Variants in SPATC1 observed in about 807,000 individuals in gnomAD.
SPATC1 encodes spermatogenesis and centriole associated 1, also known as speriolin.
Under a neutral mutation model 36.5 loss-of-function variants are expected in SPATC1, and 35 were observed. The ratio of observed to expected loss-of-function variants is 0.96; its 90% CI spans 0.73 to 1.27. The LOEUF (loss-of-function observed/expected upper bound fraction) is 1.27. Ranked by LOEUF, SPATC1 falls within the 50% of genes most tolerant of loss-of-function variation. The pLI is 0.00. For missense variants in SPATC1, 779 were observed against 796.0 expected, an observed-to-expected ratio of 0.98 and a Z score of 0.26; for synonymous variants, 361 against 353.6, an observed-to-expected ratio of 1.02 and a Z score of -0.24.
chr8:144,032,404 A>C (rs1038460029), intron 1 of SPATC1, among the ~76,000 whole-genome samples: 1 of 151,954 alleles, frequency 6.6e-6, no homozygotes, highest in Non-Finnish European at 1.5e-5. Flanking sequence ...CAGCCTCCCG[A>C]GTTGCTGGGA....
chr8:144,043,846 G>A (rs577824139), intron 4 of SPATC1, among the ~76,000 whole-genome samples: 10 of 152,150 alleles, frequency 6.6e-5, no homozygotes, highest in Admixed American at 1.3e-4. Flanking sequence ...GAGCCCGTCC[G>A]TGGCAGTGTC....
chr8:144,038,755 T>C (rs1159964560), intron 1 of SPATC1, among the ~76,000 whole-genome samples: 1 of 152,148 alleles, frequency 6.6e-6, no homozygotes, highest in Non-Finnish European at 1.5e-5. Flanking sequence ...AAGACTACTA[T>C]TACATGACCC....
rs1240063054 is a variant in SPATC1, at chr8:144,032,497, C to T, written c.212-7412C>T. On this transcript the variant is annotated intron_variant, in intron 1 of 4. Coordinates refer to ENST00000377470, the MANE Select transcript of SPATC1 (RefSeq NM_198572.3). Reference sequence around the variant, plus strand: ...TTCACCATGTTAGCCAGGATGGTCTCGATCTCTTGACCTCATGATCTGCCC... The same window carrying T: ...TTCACCATGTTAGCCAGGATGGTCTTGATCTCTTGACCTCATGATCTGCCC... 3.9e-5 allele frequency among the ~76,000 whole-genome samples: 6 copies of T among 152,004 alleles called. No homozygotes were observed. The South Asian group carries it at 8.3e-4, about 21-fold the overall frequency.
At chr8:144,036,886 C>T (rs1025026780) in intron 1 of SPATC1, among the ~76,000 whole-genome samples, 8 of 151,858 alleles carry the variant, frequency 5.3e-5, no homozygotes, top group African/African-American at 7.3e-5. Flanking sequence ...AAAAATAGCA[C>T]GTCCGTAAGA....
chr8:144,018,966 C>T (rs1425011148), intron 1 of SPATC1, among the ~76,000 whole-genome samples: 3 of 142,628 alleles, frequency 2.1e-5, no homozygotes, highest in Admixed American at 7.4e-5. Flanking sequence ...GGCATGAACC[C>T]GGGAGGCAGA....
At position 144,046,670 on chromosome 8, in the gene SPATC1, G is replaced by A. The variant is rs934845715; in HGVS notation, c.1490G>A (p.Cys497Tyr). The change falls in exon 5 of 5, where the codon TGC (cysteine) becomes TAC (tyrosine). Residue 497 changes from cysteine (C) to tyrosine (Y), a missense_variant. Physicochemically the swap from Cys to Tyr is radical, Grantham distance 194. Coordinates refer to ENST00000377470, the MANE Select transcript of SPATC1 (RefSeq NM_198572.3). The surrounding 1 kb of genome is among the most constrained non-coding windows in gnomAD (Gnocchi z 6.6). Reference protein sequence around the residue: ...PSDHKLDEKLCQRLTQRYVSV... With the variant: ...PSDHKLDEKLYQRLTQRYVSV... ...GACCACAAGCTGGATGAGAAGCTGT[G>A]CCAGAGGCTCACACAGCGCTATGTG... The A allele has an allele frequency of 3.1e-6, 5 of 1,611,816 alleles. No homozygotes were observed. The Admixed American group carries it at 8.3e-5, about 27-fold the overall frequency.
intron 1 of SPATC1, among the ~76,000 whole-genome samples, chr8:144,020,399 ACCCTCTCCCCTCAGTG>A (rs1432706273): frequency 4.1e-5 from 6 of 146,974 alleles, no homozygotes; most frequent in Non-Finnish European, 9.0e-5. Context: ...TTCCCTGATA[ACCCTCTCCCCTCAGTG>A]CCCTCTCCCC....
Position 144,040,590 on chromosome 8 carries a change from C to A in SPATC1, c.789C>A (p.Pro263=). 1 of 1,599,174 alleles carries A rather than the reference C, an allele frequency of 6.3e-7. No homozygotes were observed. The highest frequency in any genetic ancestry group is 8.5e-7 in the Non-Finnish European group (1 of 1,172,702). The change falls in exon 3 of 5, where the codon CCC becomes CCA. Residue 263 remains proline (P), a synonymous_variant. Coordinates refer to ENST00000377470, the MANE Select transcript of SPATC1 (RefSeq NM_198572.3). ...TAGTCCCACTCTCCACTGAGCCCCC[C>A]CAGTCGACCCAGGACCCAGAGCCTC... ...TTKVPLSTEP[P]QSTQDPEPLS...
intron 1 of SPATC1, among the ~76,000 whole-genome samples, chr8:144,037,116 C>T (rs1215962107): frequency 7.7e-6 from 1 of 130,138 alleles, no homozygotes; most frequent in Admixed American, 7.4e-5. Context: ...GACCCCCGCC[C>T]GGCAAGCCGC....
At chr8:144,032,552 A>T (rs1169303221) in intron 1 of SPATC1, among the ~76,000 whole-genome samples, 1 of 152,176 alleles carries the variant, frequency 6.6e-6, no homozygotes, top group Non-Finnish European at 1.5e-5. Context: ...CTGGGATTAC[A>T]GACCTGAGCC....
intron 1 of SPATC1, among the ~76,000 whole-genome samples, chr8:144,020,659 T>C (rs2133105549): frequency 7.1e-6 from 1 of 139,916 alleles, no homozygotes; most frequent in East Asian, 2.2e-4. Context: ...TTCAGGACCC[T>C]CCCCGCCAGG....
At chr8:144,019,919 C>T (rs1834470911) in intron 1 of SPATC1, among the ~76,000 whole-genome samples, 1 of 151,470 alleles carries the variant, frequency 6.6e-6, no homozygotes, top group East Asian at 2.0e-4. Context: ...CTGCCTCCCC[C>T]GGGGGCTGCG....
chr8:144,011,900 C>T (rs1413757423), upstream of SPATC1, among the ~76,000 whole-genome samples: 1 of 152,184 alleles, frequency 6.6e-6, no homozygotes, highest in African/African-American at 2.4e-5. This position sits in a 1 kb window ranked among gnomAD's most constrained non-coding sequence, Gnocchi z 4.5. Flanking sequence ...TCCAGGCCTT[C>T]AAGACACAGC....
intron 1 of SPATC1, among the ~76,000 whole-genome samples, chr8:144,024,254 A>T (rs1316357876): frequency 7.9e-6 from 1 of 126,626 alleles, no homozygotes; most frequent in Non-Finnish European, 1.7e-5. Context: ...CCTCTCCCTC[A>T]TGACCTACTC....
rs986614626 is a variant in SPATC1, at chr8:144,029,295, G to A, written c.212-10614G>A. ...AAAATCAGTTGGTACAGGGCCAGGC[G>A]CGGTAGCTCACGCCTGTAATCCCAG... On this transcript the variant is annotated intron_variant, in intron 1 of 4. Transcript: ENST00000377470. Among the ~76,000 whole-genome samples, 247 of 150,810 alleles carry A rather than the reference G, an allele frequency of 1.6e-3. 3 individuals are homozygous for A. The East Asian group carries it at 0.034, about 21-fold the overall frequency.
intron 4 of SPATC1, among the ~76,000 whole-genome samples, chr8:144,043,552 T>A (rs1835173599): frequency 6.6e-6 from 1 of 152,050 alleles, no homozygotes; most frequent in African/African-American, 2.4e-5. Flanking sequence ...AGCTTTAAAT[T>A]TTTTATAGAG....
At chr8:144,024,114 A>G (rs1278877928) in intron 1 of SPATC1, among the ~76,000 whole-genome samples, 1 of 147,806 alleles carries the variant, frequency 6.8e-6, no homozygotes, top group Non-Finnish European at 1.5e-5. Flanking sequence ...TCCCCTCCGG[A>G]CCCTCTCTTC....
At chr8:144,036,778 G>A (rs997097090) in intron 1 of SPATC1, among the ~76,000 whole-genome samples, 3 of 151,750 alleles carry the variant, frequency 2.0e-5, no homozygotes, top group African/African-American at 7.3e-5. Flanking sequence ...CTATTTCCAG[G>A]AAAAAAATCA....
chr8:144,018,949 G>A (rs2133102084), intron 1 of SPATC1, among the ~76,000 whole-genome samples: 1 of 149,622 alleles, frequency 6.7e-6, no homozygotes, highest in South Asian at 2.1e-4. Context: ...GGCTGAGGCA[G>A]GAGAATGGCA....
Sources: allele counts gnomAD v4.1 joint callset (sites outside exome capture counted in the v4.1 genomes callset), GRCh38; gene constraint gnomAD v4.1.1; non-coding constraint Gnocchi (gnomAD v3.1); transcripts MANE v1.5; gene names NCBI Gene and HGNC (gene_info 2026-07-23, HGNC 2026-07-21).